The following PKIB variants were observed in gnomAD, a reference collection of about 807,000 sequenced individuals.
PKIB encodes PKI-beta.
In PKIB, 2 loss-of-function variants were observed where a neutral mutation model predicts 4.5. That is an observed-to-expected ratio of 0.44 (90% CI 0.18 to 1.39). PKIB has a LOEUF of 1.39. Among genes scored for constraint, PKIB ranks in the 40% most tolerant of loss-of-function variants. The pLI, the probability that PKIB is intolerant of heterozygous loss-of-function variation, is 0.27. For missense variants in PKIB, 94 were observed against 92.6 expected (o/e 1.02, Z -0.06); for synonymous variants, 38 against 36.0 (o/e 1.06, Z -0.20).
chr6:122,517,142 T>G (rs1776784154), intron 2 of PKIB, among the ~76,000 whole-genome samples: 1 of 152,190 alleles, frequency 6.6e-6, no homozygotes. Flanking sequence ...AAAATATGCA[T>G]TCAGAAAAGC....
intron 3 of PKIB, among the ~76,000 whole-genome samples, chr6:122,691,003 G>A (rs371737318): frequency 3.4e-5 from 5 of 149,038 alleles, no homozygotes; most frequent in Admixed American, 6.7e-5. Flanking sequence ...TTTAAATATG[G>A]CATGCCACTC....
At chr6:122,512,303 ACTT>A (rs1350121390) in intron 2 of PKIB, among the ~76,000 whole-genome samples, 1 of 152,158 alleles carries the variant, frequency 6.6e-6, no homozygotes, top group African/African-American at 2.4e-5. Flanking sequence ...TCCTTAGTGA[ACTT>A]CTCTTTCATT....
chr6:122,638,504 A>C (rs892293950), intron 2 of PKIB, among the ~76,000 whole-genome samples: 1 of 152,040 alleles, frequency 6.6e-6, no homozygotes, highest in Non-Finnish European at 1.5e-5. Context: ...GAGAGCACTC[A>C]CTCTGCTTCA....
chr6:122,708,003 A>T (rs955965845), intron 3 of PKIB, among the ~76,000 whole-genome samples: 3 of 152,168 alleles, frequency 2.0e-5, no homozygotes, highest in African/African-American at 7.2e-5. Flanking sequence ...TATTTTATTT[A>T]TTGAGTGCTT....
At chr6:122,503,694 A>C (rs1776314047) in intron 2 of PKIB, among the ~76,000 whole-genome samples, 1 of 152,200 alleles carries the variant, frequency 6.6e-6, no homozygotes, top group African/African-American at 2.4e-5. Flanking sequence ...ATACCCTAGC[A>C]CTGGTCCTAT....
rs547480279 is a variant in PKIB at position 122,687,612 on chromosome 6, C to T, written c.-9+12468C>T. ...CTTCCAATCCACGAACATGGAATAT[C>T]TTATCATTTTTTGTGTCCTCTTTAA... is the stretch of plus-strand genomic sequence containing the variant. On this transcript the variant is annotated intron_variant, in intron 3 of 4. Coordinates refer to ENST00000368452, the MANE Select transcript of PKIB (RefSeq NM_181795.3). Among the ~76,000 whole-genome samples the T allele has an allele frequency of 3.9e-5, 6 of 152,110 alleles. No homozygotes were observed. The East Asian group carries it at 1.2e-3, about 29-fold the overall frequency.
intron 2 of PKIB, among the ~76,000 whole-genome samples, chr6:122,516,389 C>T (rs1288860549): frequency 2.6e-5 from 4 of 152,192 alleles, no homozygotes; most frequent in East Asian, 1.9e-4. Flanking sequence ...CAGTTCCCTG[C>T]GCCTCTTGCA....
intron 1 of PKIB, among the ~76,000 whole-genome samples, chr6:122,620,614 T>C (rs1387269803): frequency 6.6e-6 from 1 of 152,196 alleles, no homozygotes; most frequent in Non-Finnish European, 1.5e-5. Context: ...TGGTTATACA[T>C]GTCTAGCTCC....
At chr6:122,657,261 A>T (rs1424522414) in intron 2 of PKIB, among the ~76,000 whole-genome samples, 2 of 152,130 alleles carry the variant, frequency 1.3e-5, no homozygotes, top group Non-Finnish European at 2.9e-5. Flanking sequence ...CCCTTTATCC[A>T]ATAGGACTTG....
intron 2 of PKIB, among the ~76,000 whole-genome samples, chr6:122,536,937 G>C (rs1466674428): frequency 7.0e-6 from 1 of 142,514 alleles, no homozygotes; most frequent in Admixed American, 7.0e-5. Context: ...CTCAAATTTT[G>C]CTTGGGATGC....
At chr6:122,534,130 CTGGTA>C (rs1264211400) in intron 2 of PKIB, among the ~76,000 whole-genome samples, 1 of 148,578 alleles carries the variant, frequency 6.7e-6, no homozygotes, top group East Asian at 1.9e-4. Flanking sequence ...TGCCCAGGTT[CTGGTA>C]TATTATATTT....
intron 2 of PKIB, among the ~76,000 whole-genome samples, chr6:122,663,703 C>T (rs1193411102): frequency 6.6e-6 from 1 of 152,150 alleles, no homozygotes; most frequent in Non-Finnish European, 1.5e-5. Context: ...ATAAGGACAC[C>T]AGTCATATTG....
intron 2 of PKIB, among the ~76,000 whole-genome samples, chr6:122,667,813 A>G (rs558016726): frequency 6.6e-6 from 1 of 152,332 alleles, no homozygotes; most frequent in East Asian, 1.9e-4. Context: ...AAAAGTAAAG[A>G]GAAGCTCTTT....
At chr6:122,475,059 A>T (rs1378147014) in intron 1 of PKIB, among the ~76,000 whole-genome samples, 1 of 152,154 alleles carries the variant, frequency 6.6e-6, no homozygotes, top group South Asian at 2.1e-4. Context: ...TTTGAGACGT[A>T]GGCTTGCTCT....
intron 2 of PKIB, among the ~76,000 whole-genome samples, chr6:122,499,095 C>T (rs1309381315): frequency 6.6e-6 from 1 of 152,008 alleles, no homozygotes; most frequent in Non-Finnish European, 1.5e-5. Flanking sequence ...CAAAAAGAAC[C>T]CTGGATCAGA....
intron 3 of PKIB, among the ~76,000 whole-genome samples, chr6:122,693,926 A>G (rs1263390849): frequency 2.0e-5 from 3 of 152,230 alleles, no homozygotes; most frequent in African/African-American, 7.2e-5. Context: ...ATATCCTGAC[A>G]GGGCAGGTAT....
intron 1 of PKIB, among the ~76,000 whole-genome samples, chr6:122,618,756 C>T (rs1775094653): frequency 6.6e-6 from 1 of 151,986 alleles, no homozygotes; most frequent in Non-Finnish European, 1.5e-5. Flanking sequence ...TAAACAATAG[C>T]ATAGTAGATA....
At chr6:122,669,414 A>AT (rs900380258) in intron 2 of PKIB, among the ~76,000 whole-genome samples, 2 of 152,106 alleles carry the variant, frequency 1.3e-5, no homozygotes, top group African/African-American at 4.8e-5. Context: ...TAATTCTATT[A>AT]TTCCATGGTT....
At chr6:122,601,889 G>A (rs960613272) in intron 3 of PKIB, among the ~76,000 whole-genome samples, 8 of 152,070 alleles carry the variant, frequency 5.3e-5, no homozygotes, top group Non-Finnish European at 1.0e-4. Flanking sequence ...TTCAACAGGC[G>A]AGGGTTCAGT....
Sources: gnomAD v4.1 joint callset for allele counts (sites outside exome capture counted in the v4.1 genomes callset) on GRCh38, gnomAD v4.1.1 for gene constraint, MANE v1.5 for transcripts, NCBI Gene and HGNC (gene_info 2026-07-23, HGNC 2026-07-21) for gene names.